The following DHX15 variants were observed in gnomAD, a reference collection of about 807,000 sequenced individuals.
DHX15 encodes the protein ATP-dependent RNA helicase DHX15.
A neutral mutation model predicts 94.4 loss-of-function variants in DHX15; 11 were observed. The observed-to-expected ratio is 0.12, with a 90% CI of 0.07 to 0.19. DHX15 has a LOEUF of 0.19. Among genes scored for constraint, DHX15 ranks in the 10% least tolerant of loss-of-function variants. The probability of loss-of-function intolerance (pLI) is 1.00; values close to 1 mark genes in which losing one functional copy is unlikely to be tolerated. For synonymous variants in DHX15, 338 were observed against 329.9 expected, an observed-to-expected ratio of 1.02 and a Z score of -0.27; for missense variants, 304 against 988.5, an observed-to-expected ratio of 0.31 and a Z score of 9.29.
chr4:24,559,364 T>G (rs892191984), intron 3 of DHX15, among the ~76,000 whole-genome samples: 94 of 140,976 alleles, frequency 6.7e-4, no homozygotes, highest in African/African-American at 2.4e-3. Context: ...AATTTGTCAA[T>G]TTTAAGCCAC....
intron 6 of DHX15, 36 bp from the exon 7 acceptor site, chr4:24,543,062 A>G: frequency 6.9e-7 from 1 of 1,441,612 alleles, no homozygotes; most frequent in South Asian, 1.2e-5. Context: ...TATATTACAT[A>G]TCAAATAAAA....
At chr4:24,542,084 A>G in intron 7 of DHX15, 62 bp from the exon 8 acceptor site, 1 of 1,410,454 alleles carries the variant, frequency 7.1e-7, no homozygotes, top group South Asian at 1.4e-5. Context: ...GTGATGCAAC[A>G]GAAGTATCCA....
In DHX15 at chr4:24,537,206, G is replaced by A. The variant is rs1428879652; in HGVS notation, c.1787-33C>T. On this transcript the variant is annotated intron_variant, in intron 10 of 13. Transcript: ENST00000336812. The surrounding 1 kb of genome is among the most constrained non-coding windows in gnomAD (Gnocchi z 4.7). ...AGGTTGGTATGGGCCCAACACAAAC[G>A]CCCATATCGATGAGTCACGCATTCA... The A allele has an allele frequency of 1.9e-6, 3 of 1,612,380 alleles. No individual in the cohort carries two copies. The highest frequency in any genetic ancestry group is 2.5e-6 in the Non-Finnish European group (3 of 1,179,102).
At chr4:24,561,683 C>A (rs141880071) in intron 3 of DHX15, among the ~76,000 whole-genome samples, 2 of 152,234 alleles carry the variant, frequency 1.3e-5, no homozygotes, top group South Asian at 2.1e-4. Context: ...CCTAAGCAAA[C>A]TAACACAAGA....
At chr4:24,580,819 T>G (rs746247909) in intron 1 of DHX15, 7 of 151,210 alleles carry the variant, frequency 4.6e-5, no homozygotes, top group Non-Finnish European at 1.0e-4. Flanking sequence ...CACCCGGCAA[T>G]AAGCACTGCT....
rs762787646 is a variant in DHX15, at chr4:24,543,038, T to G, written c.1249-12A>C. On this transcript the variant is annotated splice_polypyrimidine_tract_variant and intron_variant, in intron 6 of 13. Transcript: ENST00000336812. The stretch of plus-strand genomic sequence containing the variant: ...GTTGACACAACTACCTGTTAAGAAA[T>G]AGAGTATATAAATTATATTACATAT... The G allele has an allele frequency of 6.4e-7, 1 of 1,572,534 alleles. No individual in the cohort carries two copies. Among genetic ancestry groups the G allele is most frequent in the South Asian group, 1.1e-5 (1 of 89,292 alleles).
intron 3 of DHX15, among the ~76,000 whole-genome samples, chr4:24,560,889 A>T (rs1345094446): frequency 6.6e-6 from 1 of 152,180 alleles, no homozygotes; most frequent in Non-Finnish European, 1.5e-5. Flanking sequence ...AAGTAATCCC[A>T]TTTTTCACTT....
At chr4:24,536,949 TA>T in intron 11 of DHX15, 101 bp downstream of exon 11, 1 of 1,334,516 alleles carries the variant, frequency 7.5e-7, no homozygotes, top group South Asian at 1.7e-5. Context: ...GGGTTTCTAA[TA>T]TAAGTTGTCA....
intron 6 of DHX15, among the ~76,000 whole-genome samples, chr4:24,546,161 C>A (rs1721419493): frequency 6.6e-6 from 1 of 152,198 alleles, no homozygotes; most frequent in African/African-American, 2.4e-5. Flanking sequence ...TGGTCTCCAA[C>A]ACAAGGACAT....
At chr4:24,548,291 C>T (rs912166700) in intron 6 of DHX15, among the ~76,000 whole-genome samples, 3 of 151,856 alleles carry the variant, frequency 2.0e-5, no homozygotes, top group Non-Finnish European at 4.4e-5. Flanking sequence ...TACAGGCACG[C>T]GCTACCACGC....
At position 24,540,159 on chromosome 4, in the gene DHX15, A is replaced by T; in HGVS notation, c.1735T>A (p.Cys579Ser). ...ACCTCATTAGAACAGTTGTAGTCAC[A>T]ACTTGCAATAACCATTTTTGCGAGC... is the stretch of plus-strand genomic sequence containing the variant. ...PQLAKMVIASCDYNCSNEVLS... is the reference protein window; with the variant it reads ...PQLAKMVIASSDYNCSNEVLS... The change falls in exon 10 of 14, where the codon TGT (cysteine) becomes AGT (serine). Residue 579 changes from cysteine to serine, a missense_variant. Cys to Ser is a moderately radical substitution (Grantham distance 112). Coordinates refer to ENST00000336812, the MANE Select transcript of DHX15 (RefSeq NM_001358.3). The T allele has an allele frequency of 6.2e-7, 1 of 1,613,072 alleles. No homozygotes were observed. Among genetic ancestry groups the T allele is most frequent in the Non-Finnish European group, 8.5e-7 (1 of 1,179,358 alleles).
At chr4:24,555,808 G>GT (rs1308802754) in intron 4 of DHX15, among the ~76,000 whole-genome samples, 1 of 152,144 alleles carries the variant, frequency 6.6e-6, no homozygotes, top group Non-Finnish European at 1.5e-5. Context: ...ATACACGAGG[G>GT]TAAGTGACTA....
intron 3 of DHX15, among the ~76,000 whole-genome samples, chr4:24,565,995 G>A (rs185608682): frequency 6.6e-6 from 1 of 151,912 alleles, no homozygotes; most frequent in Non-Finnish European, 1.5e-5. Flanking sequence ...GACCCTAGAG[G>A]CTATGCTCTA....
chr4:24,532,149 A>G (rs1318159910), intron 12 of DHX15, among the ~76,000 whole-genome samples: 2 of 152,236 alleles, frequency 1.3e-5, no homozygotes, highest in Non-Finnish European at 2.9e-5. Flanking sequence ...TATTTTATAA[A>G]CACCTTAAAA....
chr4:24,551,048 T>C (rs115646374), intron 5 of DHX15, among the ~76,000 whole-genome samples: 36 of 152,274 alleles, frequency 2.4e-4, no homozygotes, highest in African/African-American at 8.4e-4. Context: ...GGCACATGAC[T>C]ATATTCTAAC....
At chr4:24,571,932 C>T (rs1003862411) in intron 2 of DHX15, among the ~76,000 whole-genome samples, 3 of 152,118 alleles carry the variant, frequency 2.0e-5, no homozygotes, top group African/African-American at 7.2e-5. Flanking sequence ...TAGTATCTAT[C>T]GGGTTCTGTA....
intron 1 of DHX15, among the ~76,000 whole-genome samples, chr4:24,579,546 T>G (rs1722358127): frequency 6.6e-6 from 1 of 152,210 alleles, no homozygotes; most frequent in Non-Finnish European, 1.5e-5. Flanking sequence ...AGGTATGACA[T>G]GACACAGTTG....
Position 24,527,565 on chromosome 4 carries a change from T to G in DHX15, c.*359A>C, listed in dbSNP as rs1720985119. The G allele has an allele frequency of 5.6e-6, 1 of 177,452 alleles. No homozygotes were observed. The highest frequency in any genetic ancestry group is 2.4e-5 in the African/African-American group (1 of 42,286). 11.0% of individuals were successfully genotyped at this position (177,452 alleles called of 1,614,324 possible). A position where few individuals can be genotyped will look rare whatever the true frequency, so the allele number is the denominator to read the frequency against. On this transcript the variant is annotated 3_prime_UTR_variant, in exon 14 of 14. Coordinates refer to ENST00000336812, the MANE Select transcript of DHX15 (RefSeq NM_001358.3). The stretch of plus-strand genomic sequence containing the variant: ...AGCACAAGTTGTAACATTTCACAAC[T>G]TCTAAAAGGAATGTCAACAATTACA...
chr4:24,563,688 A>G (rs1277308402), intron 3 of DHX15, among the ~76,000 whole-genome samples: 1 of 152,172 alleles, frequency 6.6e-6, no homozygotes, highest in African/African-American at 2.4e-5. Flanking sequence ...AGTTTAAGGT[A>G]GCTGAGAGTT....
Sources: gnomAD v4.1 joint callset for allele counts (sites outside exome capture counted in the v4.1 genomes callset) on GRCh38, gnomAD v4.1.1 for gene constraint, Gnocchi (gnomAD v3.1) non-coding constraint, MANE v1.5 for transcripts, NCBI Gene and HGNC (gene_info 2026-07-23, HGNC 2026-07-21) for gene names.